Variants in MTFR1 observed in about 807,000 individuals in gnomAD.
The protein encoded by MTFR1 is chondrocyte protein with a poly-proline region.
Under a neutral mutation model 38.8 loss-of-function variants are expected in MTFR1, and 28 were observed. The observed-to-expected ratio is 0.72, with a 90% CI of 0.53 to 0.99. The LOEUF is 0.99. MTFR1 is among the 50% of genes least tolerant of loss of function. MTFR1 has a pLI of 0.00. For synonymous variants in MTFR1, 145 were observed against 137.0 expected, an observed-to-expected ratio of 1.06 and a Z score of -0.41; for missense variants, 358 against 395.5, an observed-to-expected ratio of 0.91 and a Z score of 0.81.
At chr8:65,726,239 A>G (rs577279992) in intron 3 of MTFR1, among the ~76,000 whole-genome samples, 1 of 152,340 alleles carries the variant, frequency 6.6e-6, no homozygotes, top group African/African-American at 2.4e-5. Context: ...GGACCACACT[A>G]TGGCAATGAC....
chr8:65,701,973 C>G (rs1376068999), intron 4 of MTFR1, among the ~76,000 whole-genome samples: 2 of 152,120 alleles, frequency 1.3e-5, no homozygotes, highest in East Asian at 3.8e-4. Flanking sequence ...TAGACATGAA[C>G]TGATAAACAT....
chr8:65,691,807 G>A (rs934606510), intron 3 of MTFR1, among the ~76,000 whole-genome samples: 5 of 152,060 alleles, frequency 3.3e-5, no homozygotes, highest in Admixed American at 6.5e-5. Context: ...CTGCCACCAC[G>A]CCCAGCCCTT....
intron 3 of MTFR1, among the ~76,000 whole-genome samples, chr8:65,757,046 T>C (rs1808267389): frequency 6.6e-6 from 1 of 152,156 alleles, no homozygotes; most frequent in African/African-American, 2.4e-5. Context: ...TGTTCAGCTA[T>C]GTGGAGGCTC....
intron 3 of MTFR1, among the ~76,000 whole-genome samples, chr8:65,692,179 A>G (rs1466487229): frequency 6.6e-6 from 1 of 152,116 alleles, no homozygotes; most frequent in African/African-American, 2.4e-5. Context: ...TTTTATTTAA[A>G]CCTCACTCAT....
chr8:65,766,358 A>G (rs2128917669), intron 3 of MTFR1, among the ~76,000 whole-genome samples: 1 of 152,384 alleles, frequency 6.6e-6, no homozygotes, highest in East Asian at 1.9e-4. Context: ...TGAACAGAGG[A>G]AAATCTCTGT....
At chr8:65,736,888 CT>C (rs35543290) in intron 3 of MTFR1, among the ~76,000 whole-genome samples, 51,498 of 133,360 alleles carry the variant, frequency 0.39, 9,459 homozygotes, top group East Asian at 0.6. Context: ...GGTATTGAGG[CT>C]TTTTTTTTTT....
At chr8:65,733,148 G>A (rs1055815809) in intron 3 of MTFR1, among the ~76,000 whole-genome samples, 1 of 152,136 alleles carries the variant, frequency 6.6e-6, no homozygotes, top group Non-Finnish European at 1.5e-5. Flanking sequence ...GATGAAAAGT[G>A]TTTAAGTATT....
At chr8:65,731,243 T>G (rs925295033) in intron 3 of MTFR1, among the ~76,000 whole-genome samples, 2 of 152,092 alleles carry the variant, frequency 1.3e-5, no homozygotes, top group African/African-American at 4.8e-5. Flanking sequence ...CATGAATAAG[T>G]GTACATCTGC....
intron 3 of MTFR1, chr8:65,727,422 T>G: frequency 7.2e-7 from 1 of 1,391,200 alleles, no homozygotes; most frequent in East Asian, 2.5e-5. Flanking sequence ...CTTCACGTCA[T>G]TCCTCAGGTG....
chr8:65,659,434 T>G (rs551554862), intron 1 of MTFR1, among the ~76,000 whole-genome samples: 5 of 151,910 alleles, frequency 3.3e-5, no homozygotes, highest in African/African-American at 1.2e-4. Context: ...AGGTTTTTTT[T>G]TTTTTTTTTC....
exon 3 of MTFR1, chr8:65,719,479 T>A (rs1272661417): frequency 5.0e-6 from 8 of 1,612,142 alleles, no homozygotes; most frequent in African/African-American, 1.3e-5. Flanking sequence ...AAGGCTCCAC[T>A]AGGTAAGTCA....
At chr8:65,652,584 A>G (rs1320162134) in intron 1 of MTFR1, among the ~76,000 whole-genome samples, 7 of 152,064 alleles carry the variant, frequency 4.6e-5, no homozygotes, top group Admixed American at 2.0e-4. Context: ...CTTTGATTTC[A>G]CTTTGGTTAA....
At chr8:65,727,405 C>T in intron 3 of MTFR1, 1 of 1,499,904 alleles carries the variant, frequency 6.7e-7, no homozygotes, top group African/African-American at 1.4e-5. Context: ...GTGGTAATCT[C>T]CTCCCCCTTC....
intron 2 of MTFR1, among the ~76,000 whole-genome samples, chr8:65,678,166 C>T (rs1422018193): frequency 1.3e-5 from 2 of 152,084 alleles, no homozygotes; most frequent in African/African-American, 2.4e-5. Flanking sequence ...ATAGTTCAGC[C>T]ACAAGTTACG....
At chr8:65,668,616 C>G (rs867614368) in intron 1 of MTFR1, among the ~76,000 whole-genome samples, 5 of 147,240 alleles carry the variant, frequency 3.4e-5, no homozygotes, top group Non-Finnish European at 7.4e-5. Context: ...TGGCTTCAAG[C>G]GATTCTCCTG....
intron 3 of MTFR1, among the ~76,000 whole-genome samples, chr8:65,755,932 T>C (rs1019196393): frequency 6.6e-6 from 1 of 152,246 alleles, no homozygotes; most frequent in African/African-American, 2.4e-5. Flanking sequence ...CTACCATTTC[T>C]TGTAGGACAG....
chr8:65,704,906 A>C lies in MTFR1; in HGVS notation c.494A>C (p.Gln165Pro), dbSNP rs376894932. ...CAGATTGCCAAAATTGTGACCCAGCAGGAGCAGCAAAATCTCACTGCAGGT... is the reference window on the plus strand; with the variant it reads ...CAGATTGCCAAAATTGTGACCCAGCCGGAGCAGCAAAATCTCACTGCAGGT... ...RAQIAKIVTQ[Q>P]EQQNLTAGDL... is the part of the protein sequence containing the mutation. Residue 165 changes from glutamine to proline, a missense_variant, in exon 5 of 8, where the codon CAG becomes CCG. By Grantham distance (76) the Gln-to-Pro change is moderately conservative. Transcript: ENST00000262146. The C allele has an allele frequency of 2.1e-4, 332 of 1,597,728 alleles. 1 individual carries two copies. Among genetic ancestry groups the C allele is most frequent in the Non-Finnish European group, 2.7e-4 (311 of 1,170,174 alleles).
intron 3 of MTFR1, among the ~76,000 whole-genome samples, chr8:65,749,218 C>A (rs1807822003): frequency 6.6e-6 from 1 of 152,172 alleles, no homozygotes; most frequent in Non-Finnish European, 1.5e-5. Context: ...ACTTTCAGAA[C>A]AGGCATGAAC....
At chr8:65,676,496 TG>T (rs766614288) in intron 2 of MTFR1, among the ~76,000 whole-genome samples, 1 of 152,142 alleles carries the variant, frequency 6.6e-6, no homozygotes, top group Non-Finnish European at 1.5e-5. Flanking sequence ...CCTGAGTAGC[TG>T]GGATTACAGG....
Sources: allele counts gnomAD v4.1 joint callset (sites outside exome capture counted in the v4.1 genomes callset), GRCh38; gene constraint gnomAD v4.1.1; transcripts MANE v1.5; gene names NCBI Gene and HGNC (gene_info 2026-07-23, HGNC 2026-07-21).